SVIL: variants seen among roughly 807,000 people sequenced by gnomAD.
SVIL encodes the protein supervillin.
Under a neutral mutation model 240.4 loss-of-function variants are expected in SVIL, and 101 were observed. That is an observed-to-expected ratio of 0.42 (90% CI 0.36 to 0.50). The LOEUF (loss-of-function observed/expected upper bound fraction) is 0.50, where lower values mean the gene tolerates loss of function less well. SVIL is among the 20% of genes least tolerant of loss of function. The pLI is 0.01. For missense variants in SVIL, 2,512 were observed against 2,818.7 expected, an observed-to-expected ratio of 0.89 and a Z score of 2.46; for synonymous variants, 999 against 1,100.0, an observed-to-expected ratio of 0.91 and a Z score of 1.82.
At chr10:29,471,048 A>T in intron 31 of SVIL, 90 bp downstream of exon 31, 1 of 1,215,296 alleles carries the variant, frequency 8.2e-7, no homozygotes, top group Non-Finnish European at 1.2e-6. Flanking sequence ...AGCTAGATGA[A>T]GACAGACTCA....
chr10:29,571,540 A>G (rs1390936378), intron 1 of SVIL, among the ~76,000 whole-genome samples: 1 of 152,236 alleles, frequency 6.6e-6, no homozygotes, highest in African/African-American at 2.4e-5. Context: ...CAGAGAGCCA[A>G]AAACCCATAC....
intron 1 of SVIL, among the ~76,000 whole-genome samples, chr10:29,593,451 G>A (rs76424599): frequency 1.2e-3 from 181 of 152,194 alleles, no homozygotes; most frequent in African/African-American, 4.1e-3. Flanking sequence ...TCCAGACCAA[G>A]GGAAATCCAC....
At chr10:29,552,365 C>T (rs954760822) in intron 5 of SVIL, among the ~76,000 whole-genome samples, 11 of 151,856 alleles carry the variant, frequency 7.2e-5, no homozygotes, top group Non-Finnish European at 4.4e-5. Flanking sequence ...GAGTTCGAGA[C>T]CAGCCTGACC....
rs1294365524 is a variant in SVIL, at chr10:29,569,161, AT to A, written c.-143+93del. The A allele has an allele frequency of 8.2e-5, 43 of 522,966 alleles. No homozygotes were observed. In the African/African-American group the frequency reaches 8.9e-4, roughly 11 times the overall value. 32.4% of individuals were successfully genotyped at this position (522,966 alleles called of 1,614,324 possible). A position where few individuals can be genotyped will look rare whatever the true frequency, so the allele number is the denominator to read the frequency against. On this transcript the variant is annotated intron_variant, in intron 2 of 37. Coordinates refer to ENST00000355867, the MANE Select transcript of SVIL (RefSeq NM_021738.3). ...CTAGAGAGAAAACATATTGCCAAAC[AT>A]TTAAACTCATGAGTTAGACATTCAA...
At chr10:29,679,530 C>T (rs1352205988) in intron 2 of SVIL, among the ~76,000 whole-genome samples, 2 of 151,484 alleles carry the variant, frequency 1.3e-5, no homozygotes, top group African/African-American at 4.8e-5. Context: ...GATTAGAAAG[C>T]CAGCCACTTT....
intron 1 of SVIL, among the ~76,000 whole-genome samples, chr10:29,692,663 A>G (rs1345764714): frequency 6.7e-6 from 1 of 149,916 alleles, no homozygotes; most frequent in South Asian, 2.1e-4. Context: ...ATAAAAATAT[A>G]TTTTTTTAAT....
chr10:29,633,892 G>GC (rs1462034033), intron 1 of SVIL, among the ~76,000 whole-genome samples: 8 of 152,078 alleles, frequency 5.3e-5, no homozygotes, highest in African/African-American at 1.9e-4. Flanking sequence ...CTGGAACATC[G>GC]CAAGTTCTAG....
intron 1 of SVIL, among the ~76,000 whole-genome samples, chr10:29,729,311 A>G (rs1964464759): frequency 6.6e-6 from 1 of 152,114 alleles, no homozygotes; most frequent in African/African-American, 2.4e-5. Context: ...ATCCATCAAG[A>G]ATTTTGTAGC....
At chr10:29,504,819 C>T (rs1949146927) in intron 17 of SVIL, among the ~76,000 whole-genome samples, 2 of 152,124 alleles carry the variant, frequency 1.3e-5, no homozygotes, top group Admixed American at 6.5e-5. Context: ...ATACTCTTAC[C>T]GTATGATACA....
intron 16 of SVIL, among the ~76,000 whole-genome samples, chr10:29,515,122 A>T (rs1462101214): frequency 6.6e-6 from 1 of 152,200 alleles, no homozygotes; most frequent in African/African-American, 2.4e-5. Context: ...GTGGCAGCAG[A>T]TAAGATCTCA....
Position 29,613,960 on chromosome 10 carries a change from T to C in SVIL, c.-201+20460A>G, listed in dbSNP as rs371358073. 4.9e-4 allele frequency among the ~76,000 whole-genome samples: 75 copies of C among 152,324 alleles called. No individual in the cohort carries two copies. The South Asian group carries it at 9.5e-3, about 19-fold the overall frequency. On this transcript the variant is annotated intron_variant, in intron 1 of 37. Coordinates refer to ENST00000355867, the MANE Select transcript of SVIL (RefSeq NM_021738.3). ...CCCCTTATGGAATGTATGAGACCAC[T>C]GTGGTCAAGGTTTCCTCGGTGAATC...
chr10:29,597,203 T>C (rs892653752), intron 1 of SVIL, among the ~76,000 whole-genome samples: 1 of 152,178 alleles, frequency 6.6e-6, no homozygotes, highest in Non-Finnish European at 1.5e-5. Flanking sequence ...TATGATATTG[T>C]GGGCATGTGC....
chr10:29,704,156 C>T (rs60840451), intron 1 of SVIL, among the ~76,000 whole-genome samples: 12,065 of 152,164 alleles, frequency 0.079, 719 homozygotes, highest in African/African-American at 0.16. Context: ...GTACTTCCTG[C>T]TCCAGTGGGC....
At chr10:29,654,861 T>G (rs1233136572) in intron 3 of SVIL, among the ~76,000 whole-genome samples, 1 of 152,164 alleles carries the variant, frequency 6.6e-6, no homozygotes, top group Non-Finnish European at 1.5e-5. Context: ...CCTGGAGCTC[T>G]GATGTCCAAG....
intron 36 of SVIL, 112 bp from the exon 37 acceptor site, chr10:29,458,701 C>CAT: frequency 8.7e-7 from 1 of 1,144,196 alleles, no homozygotes; most frequent in Non-Finnish European, 1.2e-6. Flanking sequence ...CCTGAGGATG[C>CAT]ATAGTTCCAT....
chr10:29,723,914 T>C (rs11007714), intron 1 of SVIL, among the ~76,000 whole-genome samples: 17,117 of 152,172 alleles, frequency 0.11, 1,068 homozygotes, highest in South Asian at 0.23. Flanking sequence ...GAAAAAGGGT[T>C]GGGTGAAGAT....
chr10:29,721,283 G>A (rs1262140344), intron 1 of SVIL, among the ~76,000 whole-genome samples: 1 of 151,268 alleles, frequency 6.6e-6, no homozygotes, highest in Non-Finnish European at 1.5e-5. Flanking sequence ...TCCAAAAGAA[G>A]GCAGAGAAAC....
At chr10:29,529,215 AAG>A (rs1254002469) in intron 12 of SVIL, among the ~76,000 whole-genome samples, 60 of 151,404 alleles carry the variant, frequency 4.0e-4, no homozygotes, top group Admixed American at 1.3e-3. Flanking sequence ...AAAAAAAGAA[AAG>A]AGATTTCTGG....
At chr10:29,708,378 T>G (rs1164722239) in intron 1 of SVIL, among the ~76,000 whole-genome samples, 1 of 152,008 alleles carries the variant, frequency 6.6e-6, no homozygotes, top group Non-Finnish European at 1.5e-5. Context: ...CCCAGCACTT[T>G]GGGAGGCCGA....
Sources: gnomAD v4.1 joint callset for allele counts (sites outside exome capture counted in the v4.1 genomes callset) on GRCh38, gnomAD v4.1.1 for gene constraint, MANE v1.5 for transcripts, NCBI Gene and HGNC (gene_info 2026-07-23, HGNC 2026-07-21) for gene names.